Variants in DNAI4 observed in about 807,000 individuals in gnomAD.
DNAI4 encodes WD repeat domain 78.
A neutral mutation model predicts 105.8 loss-of-function variants in DNAI4; 85 were observed. That is an observed-to-expected ratio of 0.80 (90% confidence interval 0.67 to 0.96). DNAI4 has a LOEUF of 0.96. DNAI4 is among the 40% of genes least tolerant of loss of function. The probability of loss-of-function intolerance (pLI) is 0.00; values close to 1 mark genes in which losing one functional copy is unlikely to be tolerated. For missense variants in DNAI4, 1,014 were observed against 1,005.6 expected, an observed-to-expected ratio of 1.01 and a Z score of -0.11; for synonymous variants, 352 against 331.5, an observed-to-expected ratio of 1.06 and a Z score of -0.67.
At position 66,829,052 on chromosome 1, in the gene DNAI4, G is replaced by A. The variant is rs189370147; in HGVS notation, c.2014-1142C>T. Among the ~76,000 whole-genome samples the A allele has an allele frequency of 8.2e-4, 125 of 152,206 alleles. 1 individual carries two copies. The highest frequency in any genetic ancestry group is 2.9e-3 in the African/African-American group (119 of 41,514). ...AACCTCTATGTGGGAAACAGGAATG[G>A]GCAGATATTTCAGTTGAGCCGTGAC... On this transcript the variant is annotated intron_variant, in intron 13 of 16. Transcript: ENST00000371026.
intron 16 of DNAI4, 74 bp downstream of exon 16, chr1:66,822,287 T>C (rs1645646085): frequency 2.3e-6 from 3 of 1,310,188 alleles, no homozygotes; most frequent in South Asian, 1.7e-5. Flanking sequence ...GAAATGTAAA[T>C]CCTTTGCATG....
At position 66,840,755 on chromosome 1, in the gene DNAI4, C is replaced by G. The variant is rs182728646; in HGVS notation, c.1292-84G>C. The G allele has an allele frequency of 2.7e-5, 37 of 1,369,430 alleles. No individual in the cohort carries two copies. In the Admixed American group the frequency reaches 4.8e-4, roughly 18 times the overall value. 84.8% of individuals were successfully genotyped at this position (1,369,430 alleles called of 1,614,324 possible). A position where few individuals can be genotyped will look rare whatever the true frequency, so the allele number is the denominator to read the frequency against. On this transcript the variant is annotated intron_variant, in intron 8 of 16. Transcript: ENST00000371026. ...GGCTCCAAACAGCATATCTACCCAC[C>G]ACTGACACTTCAAGCACCATCAGAT...
At chr1:66,835,242 A>AG (rs1557906606) in intron 11 of DNAI4, among the ~76,000 whole-genome samples, 1 of 149,736 alleles carries the variant, frequency 6.7e-6, no homozygotes, top group African/African-American at 2.5e-5. Context: ...ATAGATAGAT[A>AG]AGATAGATTT....
Position 66,822,348 on chromosome 1 carries a change from T to G in DNAI4, c.2496+13A>C. On this transcript the variant is annotated intron_variant, in intron 16 of 16. Coordinates refer to ENST00000371026, the MANE Select transcript of DNAI4 (RefSeq NM_024763.5). ...AATAAAATGACACAAATTTTTTTAC[T>G]CTTGAGTCTTACCCGGCCAGTTTCC... The G allele has an allele frequency of 1.3e-6, 2 of 1,586,392 alleles. No individual in the cohort carries two copies. The highest frequency in any genetic ancestry group is 1.7e-6 in the Non-Finnish European group (2 of 1,169,658).
chr1:66,905,245 G>C lies in DNAI4; in HGVS notation c.301C>G (p.Leu101Val). ...VSKTVLIPPE[L>V]KTVEKPNPNI... is the part of the protein sequence containing the mutation. ...GGATTTGGTTTTTCTACAGTTTTCAGTTCAGGTGGAATAAGCACGGTTTTG... is the reference window on the plus strand; with the variant it reads ...GGATTTGGTTTTTCTACAGTTTTCACTTCAGGTGGAATAAGCACGGTTTTG... The change falls in exon 2 of 17, where the codon CTG (leucine) becomes GTG (valine). Residue 101 changes from leucine to valine, a missense_variant. Transcript: ENST00000371026. The C allele has an allele frequency of 6.4e-7, 1 of 1,570,474 alleles. No homozygotes were observed. Among genetic ancestry groups the C allele is most frequent in the Non-Finnish European group, 8.7e-7 (1 of 1,151,018 alleles).
intron 1 of DNAI4, among the ~76,000 whole-genome samples, chr1:66,922,248 T>C (rs1318032273): frequency 1.3e-5 from 2 of 151,910 alleles, no homozygotes. Flanking sequence ...TATGGAAAAA[T>C]TCAAGCAAAG....
intron 2 of DNAI4, among the ~76,000 whole-genome samples, chr1:66,895,269 A>G (rs964288049): frequency 6.6e-6 from 1 of 152,184 alleles, no homozygotes; most frequent in African/African-American, 2.4e-5. Flanking sequence ...GCTTGAGGCT[A>G]GGGGTTTGAG....
chr1:66,868,493 T>C (rs1646776635), intron 6 of DNAI4, among the ~76,000 whole-genome samples: 1 of 152,132 alleles, frequency 6.6e-6, no homozygotes, highest in South Asian at 2.1e-4. Flanking sequence ...CATCATCCAA[T>C]ACACTGAGGG....
chr1:66,840,534 A>G lies in DNAI4; in HGVS notation c.1429T>C (p.Ser477Pro), dbSNP rs1646127203. 2 of 1,614,228 alleles carry G rather than the reference A, an allele frequency of 1.2e-6. No homozygotes were observed. The highest frequency in any genetic ancestry group is 1.7e-6 in the Non-Finnish European group (2 of 1,180,032). Residue 477 changes from serine to proline, a missense_variant, in exon 9 of 17, where the codon TCT becomes CCT. Ser to Pro is a moderately conservative substitution (Grantham distance 74). Transcript: ENST00000371026. ...CCTTTGGTTAAGTCACAGGAAAAAG[A>G]CCAAAGTCGTTCCAAGTTGGCGGGT... The part of the protein sequence containing the change: ...TIPANLERLW[S>P]FSCDLTKGLN...
intron 4 of DNAI4, 80 bp downstream of exon 4, chr1:66,891,074 A>G (rs1647596690): frequency 1.8e-6 from 2 of 1,090,610 alleles, no homozygotes; most frequent in Non-Finnish European, 1.4e-6. Context: ...TATTTCTTTT[A>G]TCTCAAGTAT....
At chr1:66,861,128 T>C (rs1222538628) in intron 7 of DNAI4, among the ~76,000 whole-genome samples, 1 of 152,158 alleles carries the variant, frequency 6.6e-6, no homozygotes, top group Non-Finnish European at 1.5e-5. Flanking sequence ...TAAGGAAATG[T>C]AGTCAGTTAT....
At chr1:66,839,032 T>C (rs1185646662) in intron 9 of DNAI4, among the ~76,000 whole-genome samples, 2 of 152,244 alleles carry the variant, frequency 1.3e-5, no homozygotes, top group Non-Finnish European at 2.9e-5. Flanking sequence ...TTTAGGCTCA[T>C]TCAAAATTAT....
intron 6 of DNAI4, among the ~76,000 whole-genome samples, chr1:66,868,680 T>C (rs76129028): frequency 0.017 from 2,614 of 152,224 alleles, 70 homozygotes; most frequent in African/African-American, 0.06. Context: ...TTAGCTTTCC[T>C]GTGTCCCCAG....
chr1:66,854,655 A>C (rs1306786646), intron 7 of DNAI4, among the ~76,000 whole-genome samples: 1 of 152,010 alleles, frequency 6.6e-6, no homozygotes, highest in Non-Finnish European at 1.5e-5. Context: ...TACAAAAATT[A>C]GCCAGGCTTG....
rs773538372 is a variant in DNAI4, at chr1:66,862,306, G to GATAA, written c.941-8_941-5dup. On this transcript the variant is annotated splice_region_variant and splice_polypyrimidine_tract_variant and intron_variant, in intron 6 of 16. Transcript: ENST00000371026. The stretch of plus-strand genomic sequence containing the variant: ...TCCCAGGCAGTGGACATTATGCCTA[G>GATAA]ATAAAGACACAGAAAGGTAAAAATT... 3.7e-6 allele frequency: 6 copies of GATAA among 1,602,714 alleles called. No individual in the cohort carries two copies. The South Asian group carries it at 6.8e-5, about 18-fold the overall frequency.
intron 7 of DNAI4, among the ~76,000 whole-genome samples, chr1:66,855,724 T>A (rs1569580777): frequency 6.6e-6 from 1 of 152,238 alleles, no homozygotes; most frequent in Non-Finnish European, 1.5e-5. Context: ...AGCCCACTGA[T>A]AGAGTTGAAA....
In DNAI4 at chr1:66,883,694, AG is replaced by A. The variant is rs551986474; in HGVS notation, c.643+7459del. Among the ~76,000 whole-genome samples, 14 of 152,298 alleles carry A rather than the reference AG, an allele frequency of 9.2e-5. No homozygotes were observed. The East Asian group carries it at 2.7e-3, about 29-fold the overall frequency. On this transcript the variant is annotated intron_variant, in intron 4 of 16. Coordinates refer to ENST00000371026, the MANE Select transcript of DNAI4 (RefSeq NM_024763.5). ...TACTTTTAAATATGTTGTATTTTAT[AG>A]GAATATACAATTTTTAAATTGTAAA...
intron 2 of DNAI4, among the ~76,000 whole-genome samples, chr1:66,896,540 T>A (rs1648355473): frequency 1.3e-5 from 2 of 152,196 alleles, no homozygotes; most frequent in South Asian, 4.1e-4. Context: ...GAGCTTTGAC[T>A]TTGGAAGGTG....
intron 1 of DNAI4, among the ~76,000 whole-genome samples, chr1:66,913,343 C>G (rs1463610096): frequency 2.0e-5 from 3 of 152,182 alleles, no homozygotes; most frequent in African/African-American, 7.2e-5. Flanking sequence ...TTCAAAGATG[C>G]ATTCTACAAA....
Sources: gnomAD v4.1 joint callset for allele counts (sites outside exome capture counted in the v4.1 genomes callset) on GRCh38, gnomAD v4.1.1 for gene constraint, MANE v1.5 for transcripts, NCBI Gene and HGNC (gene_info 2026-07-23, HGNC 2026-07-21) for gene names.